The following IL1RAPL2 variants were observed in gnomAD, a reference collection of about 807,000 sequenced individuals.
IL1RAPL2 encodes the protein interleukin 1 receptor accessory protein like 2.
IL1RAPL2 carries 3 observed loss-of-function variants against 44.1 expected under a neutral mutation model. The ratio of observed to expected loss-of-function variants is 0.07; its 90% CI spans 0.03 to 0.18. The LOEUF is 0.18. IL1RAPL2 is among the 10% of genes least tolerant of loss of function. The probability of loss-of-function intolerance (pLI) is 1.00; values close to 1 mark genes in which losing one functional copy is unlikely to be tolerated. For synonymous variants in IL1RAPL2, 181 were observed against 178.8 expected (o/e 1.01, Z -0.10); for missense variants, 391 against 496.4 (o/e 0.79, Z 2.02).
At chrX:105,162,924 G>A (rs933920988) in intron 2 of IL1RAPL2, among the ~76,000 whole-genome samples, 5 of 111,289 alleles carry the variant, frequency 4.5e-5, no homozygotes, top group Non-Finnish European at 7.5e-5. Context: ...GCCGCACCTC[G>A]TAATTCCATC....
intron 1 of IL1RAPL2, among the ~76,000 whole-genome samples, chrX:104,658,537 C>T (rs746923722): frequency 1.8e-4 from 20 of 112,334 alleles, no homozygotes; most frequent in Non-Finnish European, 2.8e-4. Flanking sequence ...ATGGATGCAG[C>T]AAACCAACAT....
intron 2 of IL1RAPL2, among the ~76,000 whole-genome samples, chrX:104,679,291 T>C (rs1476301916): frequency 2.7e-5 from 3 of 111,710 alleles, no homozygotes; most frequent in Non-Finnish European, 5.6e-5. Context: ...CTGGTGAATG[T>C]CATGACCAGG....
chrX:105,456,011 A>G (rs1478236105), intron 5 of IL1RAPL2, among the ~76,000 whole-genome samples: 2 of 111,828 alleles, frequency 1.8e-5, no homozygotes, highest in Non-Finnish European at 3.8e-5. Context: ...AGTGTTTTGT[A>G]GCTATCATTA....
chrX:105,395,056 C>T (rs2035552240), intron 5 of IL1RAPL2, among the ~76,000 whole-genome samples: 1 of 111,054 alleles, frequency 9.0e-6, no homozygotes, highest in Admixed American at 9.7e-5. Flanking sequence ...CAAACTGTAA[C>T]TCCCCAGAAA....
chrX:105,247,473 A>G (rs1486642217), intron 4 of IL1RAPL2, among the ~76,000 whole-genome samples: 2 of 110,963 alleles, frequency 1.8e-5, no homozygotes, highest in Non-Finnish European at 3.8e-5. Flanking sequence ...CAAATGAGGA[A>G]ACTGAAGCCC....
chrX:105,333,423 G>A (rs755931572), intron 5 of IL1RAPL2, among the ~76,000 whole-genome samples: 20 of 111,400 alleles, frequency 1.8e-4, no homozygotes, highest in East Asian at 5.6e-4. Flanking sequence ...ACAAGAAAAC[G>A]TTGGGAAAAC....
At chrX:105,265,906 G>A (rs2034398514) in intron 4 of IL1RAPL2, among the ~76,000 whole-genome samples, 1 of 111,386 alleles carries the variant, frequency 9.0e-6, no homozygotes, top group Non-Finnish European at 1.9e-5. Context: ...TATGGAGGCA[G>A]GGGTGAGGAG....
In IL1RAPL2 at chrX:105,320,254, G is replaced by C. The variant is rs767885318; in HGVS notation, c.697+52713G>C. Among the ~76,000 whole-genome samples the C allele has an allele frequency of 4.5e-5, 5 of 111,919 alleles. No homozygotes were observed. In the South Asian group the frequency reaches 1.9e-3, roughly 42 times the overall value. On this transcript the variant is annotated intron_variant, in intron 5 of 10. Transcript: ENST00000372582. ...ACTGACATTTAGCCCTTGACTTTAT[G>C]AATGTGTGTTGAGGTTGCAACTACA...
rs760200654 is a variant in IL1RAPL2, at chrX:105,125,696, C to T, written c.83-69779C>T. On this transcript the variant is annotated intron_variant, in intron 2 of 10. Transcript: ENST00000372582. ...TTTTAACTGCATGAGTCCACATATA[C>T]ATGGTTTTTTCTTCAACGAACTCAT... is the stretch of plus-strand genomic sequence containing the variant. 3.6e-5 allele frequency among the ~76,000 whole-genome samples: 4 copies of T among 110,805 alleles called. No homozygotes were observed. In the East Asian group the frequency reaches 1.1e-3, roughly 31 times the overall value.
In IL1RAPL2 at chrX:105,638,374, G is replaced by T. The variant is rs192885553; in HGVS notation, c.773-78993G>T. On this transcript the variant is annotated intron_variant, in intron 6 of 10. Coordinates refer to ENST00000372582, the MANE Select transcript of IL1RAPL2 (RefSeq NM_017416.2). ...TGATTATTAAAGACAATTTGAAGGG[G>T]TAAAGAGAAAGCCATTTATCCTGGA... 3.9e-3 allele frequency among the ~76,000 whole-genome samples: 429 copies of T among 111,004 alleles called. 4 individuals carry two copies. Among genetic ancestry groups the T allele is most frequent in the African/African-American group, 0.013 (409 of 30,592 alleles).
chrX:105,125,546 TAACTA>T (rs2032966511), intron 2 of IL1RAPL2, among the ~76,000 whole-genome samples: 1 of 111,285 alleles, frequency 9.0e-6, no homozygotes, highest in Non-Finnish European at 1.9e-5. Context: ...ACAGAAATTA[TAACTA>T]AACTAATAAA....
At chrX:104,969,619 T>C (rs985197659) in intron 2 of IL1RAPL2, among the ~76,000 whole-genome samples, 1 of 111,540 alleles carries the variant, frequency 9.0e-6, no homozygotes, top group Non-Finnish European at 1.9e-5. Context: ...AAATTAATAA[T>C]TAGAATCCAT....
intron 5 of IL1RAPL2, among the ~76,000 whole-genome samples, chrX:105,413,453 T>A (rs1231375166): frequency 1.8e-5 from 2 of 109,477 alleles, no homozygotes; most frequent in Admixed American, 9.8e-5. Flanking sequence ...GGAGAGGGAG[T>A]CAGTCCAGCT....
intron 2 of IL1RAPL2, among the ~76,000 whole-genome samples, chrX:104,712,487 A>T (rs1325405676): frequency 9.0e-6 from 1 of 110,510 alleles, no homozygotes; most frequent in East Asian, 2.9e-4. Context: ...ACAAGGACAA[A>T]AATGGGAAAA....
chrX:104,977,528 A>G (rs1405546334), intron 2 of IL1RAPL2, among the ~76,000 whole-genome samples: 1 of 111,643 alleles, frequency 9.0e-6, no homozygotes, highest in Non-Finnish European at 1.9e-5. Flanking sequence ...CTGTCTCACC[A>G]TCTTACCTCT....
At chrX:105,045,852 C>T (rs1490659311) in intron 2 of IL1RAPL2, among the ~76,000 whole-genome samples, 5 of 111,345 alleles carry the variant, frequency 4.5e-5, no homozygotes, top group African/African-American at 1.6e-4. Flanking sequence ...TGTGAGCTAC[C>T]ACACCTGGCA....
intron 2 of IL1RAPL2, among the ~76,000 whole-genome samples, chrX:104,831,902 C>T (rs1921619091): frequency 8.9e-6 from 1 of 112,092 alleles, no homozygotes; most frequent in African/African-American, 3.2e-5. Context: ...TCTTACTATT[C>T]TGCTTACATG....
In IL1RAPL2 at chrX:105,562,512, A is replaced by C. The variant is rs746470363; in HGVS notation, c.772+78125A>C. ...TACAATTATTTGTGAATTGAAAATA[A>C]ACACACACACACACACACACACACA... On this transcript the variant is annotated intron_variant, in intron 6 of 10. Coordinates refer to ENST00000372582, the MANE Select transcript of IL1RAPL2 (RefSeq NM_017416.2). Among the ~76,000 whole-genome samples, 14 of 91,598 alleles carry C rather than the reference A, an allele frequency of 1.5e-4. 1 individual carries two copies. The East Asian group carries it at 2.5e-3, about 16-fold the overall frequency. The allele number at this position is 91,598 out of a possible 115,157, so 79.5% of individuals were successfully genotyped here.
At chrX:105,733,960 T>C (rs965245285) in intron 7 of IL1RAPL2, among the ~76,000 whole-genome samples, 16 of 111,506 alleles carry the variant, frequency 1.4e-4, no homozygotes, top group African/African-American at 5.2e-4. Context: ...TAAATAGGCT[T>C]TTAATGTGAG....
Sources: gnomAD v4.1 joint callset for allele counts (sites outside exome capture counted in the v4.1 genomes callset) on GRCh38, gnomAD v4.1.1 for gene constraint, MANE v1.5 for transcripts, NCBI Gene and HGNC (gene_info 2026-07-23, HGNC 2026-07-21) for gene names.